The following SLC36A1 variants were observed in gnomAD, a reference collection of about 807,000 sequenced individuals.
The protein encoded by SLC36A1 is proton-coupled amino acid transporter 1.
In SLC36A1, 30 loss-of-function variants were observed where a neutral mutation model predicts 47.5. The observed-to-expected ratio is 0.63, with a 90% CI of 0.47 to 0.86. SLC36A1 has a LOEUF of 0.86. Ranked by LOEUF, SLC36A1 falls within the 40% of genes least tolerant of loss-of-function variation. SLC36A1 has a pLI of 0.00. For synonymous variants in SLC36A1, 255 were observed against 249.7 expected (o/e 1.02, Z -0.20); for missense variants, 517 against 606.0 (o/e 0.85, Z 1.54).
At chr5:151,481,063 C>A (rs1218339840) in intron 10 of SLC36A1, among the ~76,000 whole-genome samples, 1 of 152,196 alleles carries the variant, frequency 6.6e-6, no homozygotes, top group Non-Finnish European at 1.5e-5. Flanking sequence ...ACACTTCCTG[C>A]CAGGTTTATT....
At chr5:151,487,918 C>T in intron 10 of SLC36A1, 65 bp from the exon 11 acceptor site, 1 of 1,574,564 alleles carries the variant, frequency 6.4e-7, no homozygotes, top group African/African-American at 1.3e-5. Flanking sequence ...ATTCGCTCAA[C>T]AGTAGGGAGA....
At chr5:151,451,363 T>A (rs1010789398) in intron 1 of SLC36A1, among the ~76,000 whole-genome samples, 1 of 152,124 alleles carries the variant, frequency 6.6e-6, no homozygotes, top group African/African-American at 2.4e-5. Context: ...CCAGGGCTAG[T>A]CCTTAATGAC....
intron 1 of SLC36A1, among the ~76,000 whole-genome samples, chr5:151,453,469 A>G (rs927452334): frequency 2.6e-4 from 40 of 151,982 alleles, no homozygotes; most frequent in African/African-American, 9.2e-4. Context: ...TAAGATAGCT[A>G]TTTATGGCTA....
intron 1 of SLC36A1, among the ~76,000 whole-genome samples, chr5:151,451,937 A>C (rs185129070): frequency 7.2e-5 from 11 of 152,232 alleles, no homozygotes; most frequent in Admixed American, 3.3e-4. Context: ...TGTCATCTCA[A>C]ATCTTTGATT....
chr5:151,414,925 C>T, the SLC36A1 span, among the ~76,000 whole-genome samples: 25,442 of 152,046 alleles, frequency 0.17, 2,346 homozygotes, highest in East Asian at 0.38. Context: ...AGCCTCAGAC[C>T]TCCTCCAGCT....
upstream of SLC36A1, among the ~76,000 whole-genome samples, chr5:151,434,638 C>T (rs888875490): frequency 6.6e-6 from 1 of 152,130 alleles, no homozygotes; most frequent in Non-Finnish European, 1.5e-5. Context: ...GTATTGAAAT[C>T]CTAACCCTCA....
chr5:151,345,873 A>G, the SLC36A1 span, among the ~76,000 whole-genome samples: 1 of 152,178 alleles, frequency 6.6e-6, no homozygotes, highest in Non-Finnish European at 1.5e-5. Flanking sequence ...GCCAACACTT[A>G]CAGACACTGT....
the SLC36A1 span, chr5:151,347,565 G>A: frequency 6.9e-7 from 1 of 1,457,436 alleles, no homozygotes; most frequent in South Asian, 1.2e-5. Context: ...ACAGTGGTGT[G>A]TGCCCGGGCT....
the SLC36A1 span, among the ~76,000 whole-genome samples, chr5:151,538,535 G>A: frequency 6.6e-6 from 1 of 152,204 alleles, no homozygotes; most frequent in East Asian, 1.9e-4. Flanking sequence ...AGTGGCAGAG[G>A]GGAAAGGCTG....
At chr5:151,397,361 C>T in the SLC36A1 span, among the ~76,000 whole-genome samples, 2 of 152,214 alleles carry the variant, frequency 1.3e-5, no homozygotes, top group Admixed American at 6.5e-5. Flanking sequence ...TGCCTGAGAA[C>T]GTGAGTGCTT....
the SLC36A1 span, among the ~76,000 whole-genome samples, chr5:151,345,893 A>G: frequency 6.6e-6 from 1 of 152,166 alleles, no homozygotes. Context: ...TGTCTGGGGT[A>G]TTTATGCTCA....
the SLC36A1 span, chr5:151,527,489 G>A: frequency 9.2e-7 from 1 of 1,088,308 alleles, no homozygotes; most frequent in Non-Finnish European, 1.3e-6. Context: ...ACTTTCCTAT[G>A]CCCACCCCCA....
the SLC36A1 span, chr5:151,531,766 AGG>A: frequency 6.2e-7 from 1 of 1,612,506 alleles, no homozygotes; most frequent in Non-Finnish European, 8.5e-7. This position sits in a 1 kb window ranked among gnomAD's most constrained non-coding sequence, Gnocchi z 5.7. Context: ...GTAGTCTTCT[AGG>A]CCCACCACCG....
chr5:151,350,768 C>G, the SLC36A1 span, among the ~76,000 whole-genome samples: 3 of 151,954 alleles, frequency 2.0e-5, no homozygotes, highest in Non-Finnish European at 4.4e-5. Context: ...ATGGTGTGAT[C>G]GCGGCTCACT....
At chr5:151,366,963 T>C in the SLC36A1 span, among the ~76,000 whole-genome samples, 2 of 151,376 alleles carry the variant, frequency 1.3e-5, no homozygotes, top group Non-Finnish European at 2.9e-5. Context: ...GAACAAGGAG[T>C]AGGTACAAAG....
intron 2 of SLC36A1, among the ~76,000 whole-genome samples, chr5:151,463,198 A>T (rs1029245278): frequency 6.6e-6 from 1 of 152,342 alleles, no homozygotes; most frequent in South Asian, 2.1e-4. Flanking sequence ...TACAGTGGTC[A>T]GTTCAGTGGT....
chr5:151,465,653 T>C (rs181517393), intron 5 of SLC36A1, among the ~76,000 whole-genome samples: 1 of 152,182 alleles, frequency 6.6e-6, no homozygotes, highest in Non-Finnish European at 1.5e-5. Flanking sequence ...GAGACACCCA[T>C]AAGAAGAAAG....
intron 1 of SLC36A1, among the ~76,000 whole-genome samples, chr5:151,455,432 A>T (rs756971548): frequency 7.9e-5 from 12 of 152,284 alleles, no homozygotes; most frequent in South Asian, 2.1e-4. Flanking sequence ...TATAGATTTC[A>T]GCTTCTTGTT....
the SLC36A1 span, among the ~76,000 whole-genome samples, chr5:151,373,955 C>T: frequency 1.3e-5 from 2 of 152,128 alleles, no homozygotes; most frequent in Admixed American, 6.6e-5. Flanking sequence ...CAGAGACAAG[C>T]AAACTATGGC....
Sources: gnomAD v4.1 joint callset for allele counts (sites outside exome capture counted in the v4.1 genomes callset) on GRCh38, gnomAD v4.1.1 for gene constraint, Gnocchi (gnomAD v3.1) non-coding constraint, MANE v1.5 for transcripts, NCBI Gene and HGNC (gene_info 2026-07-23, HGNC 2026-07-21) for gene names.